DMRT1: variants seen among roughly 807,000 people sequenced by gnomAD.
DMRT1 encodes doublesex- and mab-3-related transcription factor 1.
Under a neutral mutation model 32.3 loss-of-function variants are expected in DMRT1, and 7 were observed. That is an observed-to-expected ratio of 0.22 (90% CI 0.12 to 0.41). DMRT1 has a LOEUF of 0.41. Ranked by LOEUF, DMRT1 falls within the 10% of genes least tolerant of loss-of-function variation. The pLI is 1.00. For missense variants in DMRT1, 625 were observed against 500.5 expected, an observed-to-expected ratio of 1.25 and a Z score of -2.37; for synonymous variants, 278 against 206.1, an observed-to-expected ratio of 1.35 and a Z score of -2.99.
chr9:899,877 C>G (rs1189358951), intron 3 of DMRT1, among the ~76,000 whole-genome samples: 1 of 152,240 alleles, frequency 6.6e-6, no homozygotes, highest in Non-Finnish European at 1.5e-5. Flanking sequence ...CTTGTGCCCC[C>G]AGATGTGTAG....
At chr9:926,232 C>T (rs2129828548) in intron 4 of DMRT1, among the ~76,000 whole-genome samples, 1 of 152,288 alleles carries the variant, frequency 6.6e-6, no homozygotes. Flanking sequence ...CCTTTATGAG[C>T]ACAGTAAAGT....
At chr9:896,511 T>C (rs142503952) in intron 3 of DMRT1, among the ~76,000 whole-genome samples, 3,259 of 152,070 alleles carry the variant, frequency 0.021, 58 homozygotes, top group South Asian at 0.099. Flanking sequence ...TTCTGTGAGG[T>C]TGACTTTTTA....
intron 2 of DMRT1, among the ~76,000 whole-genome samples, chr9:890,240 C>T (rs1586573310): frequency 6.6e-6 from 1 of 152,000 alleles, no homozygotes; most frequent in Non-Finnish European, 1.5e-5. Context: ...AGCCACCGCA[C>T]CCGGCCCAAA....
intron 2 of DMRT1, among the ~76,000 whole-genome samples, chr9:889,188 T>C (rs1232110938): frequency 2.0e-5 from 3 of 152,200 alleles, no homozygotes; most frequent in African/African-American, 4.8e-5. Context: ...TTCCATGTAC[T>C]AGCAGTGTTC....
At chr9:882,707 G>A (rs146744484) in intron 2 of DMRT1, among the ~76,000 whole-genome samples, 1 of 150,032 alleles carries the variant, frequency 6.7e-6, no homozygotes, top group African/African-American at 2.5e-5. Context: ...TCATCTTCCT[G>A]CTTGATTTCT....
intron 3 of DMRT1, among the ~76,000 whole-genome samples, chr9:896,169 C>T (rs576732098): frequency 6.6e-6 from 1 of 151,868 alleles, no homozygotes; most frequent in Admixed American, 6.6e-5. Context: ...ATTTTATTTC[C>T]CTTGTTGTAT....
At chr9:877,147 C>T (rs1816537717) in intron 2 of DMRT1, among the ~76,000 whole-genome samples, 1 of 152,200 alleles carries the variant, frequency 6.6e-6, no homozygotes, top group Non-Finnish European at 1.5e-5. Context: ...GGTTCACCTT[C>T]CCTGACTTTG....
chr9:930,552 G>A (rs528988939), intron 4 of DMRT1, among the ~76,000 whole-genome samples: 4 of 152,168 alleles, frequency 2.6e-5, no homozygotes, highest in Admixed American at 2.6e-4. Context: ...GGGGCTACAG[G>A]CGCCCGCCAC....
At position 917,464 on chromosome 9, in the gene DMRT1, A is replaced by T. The variant is rs117583761; in HGVS notation, c.967+557A>T. Among the ~76,000 whole-genome samples, 13 of 152,342 alleles carry T rather than the reference A, an allele frequency of 8.5e-5. No homozygotes were observed. In the East Asian group the frequency reaches 2.1e-3, roughly 25 times the overall value. On this transcript the variant is annotated intron_variant, in intron 4 of 4. Transcript: ENST00000382276. The stretch of plus-strand genomic sequence containing the variant: ...GCACTTTGAAATACATAGTAACTCG[A>T]CTTCAATTTTAACATCCCCCAGCAT...
intron 2 of DMRT1, among the ~76,000 whole-genome samples, chr9:874,557 A>G (rs917003692): frequency 6.6e-6 from 1 of 152,178 alleles, no homozygotes; most frequent in African/African-American, 2.4e-5. Context: ...TAATGATGGC[A>G]ACTGCCATAA....
At chr9:934,771 G>C (rs553854881) in intron 4 of DMRT1, among the ~76,000 whole-genome samples, 1 of 152,204 alleles carries the variant, frequency 6.6e-6, no homozygotes, top group Admixed American at 6.5e-5. Flanking sequence ...AAATGGTCTT[G>C]GTGCCAAGAG....
In DMRT1 at chr9:942,188, C is replaced by A. The variant is rs28406200; in HGVS notation, c.967+25281C>A. Among the ~76,000 whole-genome samples the A allele has an allele frequency of 4.6e-3, 698 of 152,262 alleles. 4 individuals are homozygous for A. The highest frequency in any genetic ancestry group is 0.016 in the African/African-American group (669 of 41,544). ...GGGGTAAATCTTTTGATTAACTTTT[C>A]TGTTTCTTTTATGGTAATCTTTTAA... On this transcript the variant is annotated intron_variant, in intron 4 of 4. Transcript: ENST00000382276.
At chr9:945,529 A>AT (rs1203341976) in intron 4 of DMRT1, among the ~76,000 whole-genome samples, 2 of 152,214 alleles carry the variant, frequency 1.3e-5, no homozygotes, top group South Asian at 2.1e-4. Context: ...CTACACTGCT[A>AT]TTTTTTGTAT....
At chr9:928,986 T>C (rs1399083204) in intron 4 of DMRT1, among the ~76,000 whole-genome samples, 2 of 151,938 alleles carry the variant, frequency 1.3e-5, no homozygotes, top group Admixed American at 6.6e-5. Context: ...TACAGGTGCA[T>C]GCTACCAAGC....
chr9:948,885 G>A (rs982037220), intron 4 of DMRT1, among the ~76,000 whole-genome samples: 22 of 148,844 alleles, frequency 1.5e-4, no homozygotes, highest in Non-Finnish European at 2.5e-4. Flanking sequence ...GTGAAACTCT[G>A]TCTCTACTAA....
intron 2 of DMRT1, among the ~76,000 whole-genome samples, chr9:868,606 C>T (rs2132600708): frequency 6.6e-6 from 1 of 152,306 alleles, no homozygotes; most frequent in East Asian, 1.9e-4. Flanking sequence ...GGCCATTGTA[C>T]CTCCTGGTCT....
At chr9:931,533 A>AT (rs1410647008) in intron 4 of DMRT1, among the ~76,000 whole-genome samples, 1 of 152,184 alleles carries the variant, frequency 6.6e-6, no homozygotes, top group Non-Finnish European at 1.5e-5. Context: ...AACAACAGAA[A>AT]TTTATTTTCT....
intron 4 of DMRT1, among the ~76,000 whole-genome samples, chr9:927,330 C>T (rs112037860): frequency 0.021 from 3,247 of 152,328 alleles, 68 homozygotes; most frequent in African/African-American, 0.051. Flanking sequence ...ATCCAGGTGC[C>T]GTGCCTGGGC....
Position 959,990 on chromosome 9 carries a change from G to A in DMRT1, c.968-7995G>A, listed in dbSNP as rs187547215. On this transcript the variant is annotated intron_variant, in intron 4 of 4. Coordinates refer to ENST00000382276, the MANE Select transcript of DMRT1 (RefSeq NM_021951.3). The stretch of plus-strand genomic sequence containing the variant: ...ATGTGCTCTGCACTGTGCTGGACAT[G>A]GACAATGGATGGTAGACATTCGCAG... Among the ~76,000 whole-genome samples the A allele has an allele frequency of 5.9e-5, 9 of 152,348 alleles. No homozygotes were observed. The East Asian group carries it at 1.7e-3, about 29-fold the overall frequency.
Sources: allele counts gnomAD v4.1 joint callset (sites outside exome capture counted in the v4.1 genomes callset), GRCh38; gene constraint gnomAD v4.1.1; transcripts MANE v1.5; gene names NCBI Gene and HGNC (gene_info 2026-07-23, HGNC 2026-07-21).